The following PPP2R2C variants were observed in gnomAD, a reference collection of about 807,000 sequenced individuals.
The protein encoded by PPP2R2C is protein phosphatase 2, regulatory subunit B, gamma.
A neutral mutation model predicts 45.3 loss-of-function variants in PPP2R2C; 10 were observed. The observed-to-expected ratio is 0.22, with a 90% CI of 0.14 to 0.37. The LOEUF is 0.37. Among genes scored for constraint, PPP2R2C ranks in the 10% least tolerant of loss-of-function variants. PPP2R2C has a pLI of 1.00. For missense variants in PPP2R2C, 308 were observed against 619.7 expected, an observed-to-expected ratio of 0.50 and a Z score of 5.34; for synonymous variants, 257 against 245.4, an observed-to-expected ratio of 1.05 and a Z score of -0.44.
In PPP2R2C at chr4:6,378,263, T is replaced by A. The variant is rs1387418712; in HGVS notation, c.334+144A>T. 6.7e-7 allele frequency: 1 copy of A among 1,495,504 alleles called. No homozygotes were observed. Among genetic ancestry groups the A allele is most frequent in the Non-Finnish European group, 8.9e-7 (1 of 1,119,232 alleles). 92.6% of individuals were successfully genotyped at this position (1,495,504 alleles called of 1,614,324 possible). A position where few individuals can be genotyped will look rare whatever the true frequency, so the allele number is the denominator to read the frequency against. On this transcript the variant is annotated intron_variant, in intron 3 of 8. Coordinates refer to ENST00000382599, the MANE Select transcript of PPP2R2C (RefSeq NM_020416.4). This position sits in a 1 kb window ranked among gnomAD's most constrained non-coding sequence, Gnocchi z 5.2. Reference sequence around the variant, plus strand: ...GTCTGGCATACTCACTCATGGGATTTATATGCTGCTCAAAAAGGATATTAT... The same window carrying A: ...GTCTGGCATACTCACTCATGGGATTAATATGCTGCTCAAAAAGGATATTAT...
chr4:6,447,108 A>T (rs918442978), intron 1 of PPP2R2C, among the ~76,000 whole-genome samples: 1 of 152,016 alleles, frequency 6.6e-6, no homozygotes, highest in African/African-American at 2.4e-5. Context: ...CATGGGAAGG[A>T]CCAGGCCTTG....
chr4:6,370,347 T>C (rs1432638435), intron 5 of PPP2R2C, among the ~76,000 whole-genome samples: 1 of 152,222 alleles, frequency 6.6e-6, no homozygotes, highest in African/African-American at 2.4e-5. Flanking sequence ...GGCTGATTTG[T>C]AAACTGTACG....
intron 1 of PPP2R2C, chr4:6,421,177 A>AGT (rs1681871470): frequency 6.2e-6 from 6 of 968,894 alleles, no homozygotes; most frequent in Middle Eastern, 5.3e-4. Context: ...GCACATGACC[A>AGT]GTGGGGGCCA....
At chr4:6,549,769 C>G (rs1266234205) in intron 1 of PPP2R2C, among the ~76,000 whole-genome samples, 2 of 152,194 alleles carry the variant, frequency 1.3e-5, no homozygotes, top group East Asian at 3.9e-4. Flanking sequence ...AGCTACTTTC[C>G]CACGTAGGGC....
chr4:6,379,992 T>TCCTCC (rs1403169557), intron 2 of PPP2R2C: 1 of 146,302 alleles, frequency 6.8e-6, no homozygotes, highest in East Asian at 2.0e-4. Context: ...TCTCTTCTCC[T>TCCTCC]CCTCCCCTCC....
At chr4:6,477,011 T>A (rs1342012727), upstream of PPP2R2C, among the ~76,000 whole-genome samples, 1 of 152,110 alleles carries the variant, frequency 6.6e-6, no homozygotes, top group Non-Finnish European at 1.5e-5. Context: ...ACCAGCACTC[T>A]GGGAGGCTGA....
chr4:6,411,015 C>T (rs550688598), intron 1 of PPP2R2C, among the ~76,000 whole-genome samples: 3 of 152,084 alleles, frequency 2.0e-5, no homozygotes, highest in African/African-American at 4.8e-5. Context: ...GGACTACAGG[C>T]GCATGCCACC....
At chr4:6,397,148 C>T (rs1371455844) in intron 1 of PPP2R2C, among the ~76,000 whole-genome samples, 1 of 152,234 alleles carries the variant, frequency 6.6e-6, no homozygotes, top group Non-Finnish European at 1.5e-5. Flanking sequence ...CACAAGGGCA[C>T]CCCTGTAAGA....
chr4:6,515,588 C>T (rs540417363), intron 2 of PPP2R2C, among the ~76,000 whole-genome samples: 11 of 152,356 alleles, frequency 7.2e-5, no homozygotes, highest in Middle Eastern at 6.8e-3. Flanking sequence ...GTACTTCTAA[C>T]GTGCTTACAA....
chr4:6,345,593 G>A lies in PPP2R2C; in HGVS notation c.790+2253C>T, dbSNP rs957096369. Among the ~76,000 whole-genome samples, 76 of 152,138 alleles carry A rather than the reference G, an allele frequency of 5.0e-4. No individual in the cohort carries two copies. Among genetic ancestry groups the A allele is most frequent in the Admixed American group, 3.7e-3 (57 of 15,278 alleles). On this transcript the variant is annotated intron_variant, in intron 6 of 8. Coordinates refer to ENST00000382599, the MANE Select transcript of PPP2R2C (RefSeq NM_020416.4). This position sits in a 1 kb window ranked among gnomAD's most constrained non-coding sequence, Gnocchi z 5.3. Reference sequence around the variant, plus strand: ...GCCGCTGTGGGCTGGGAGGATGGGGGAGGGGCCACGTGCCAGGGAACGCAG... The same window carrying A: ...GCCGCTGTGGGCTGGGAGGATGGGGAAGGGGCCACGTGCCAGGGAACGCAG...
At chr4:6,343,574 G>T (rs1444093555) in intron 6 of PPP2R2C, among the ~76,000 whole-genome samples, 1 of 152,024 alleles carries the variant, frequency 6.6e-6, no homozygotes, top group Admixed American at 6.6e-5. Flanking sequence ...AAAAAAATTA[G>T]CCAGGCATGG....
chr4:6,537,531 G>A (rs888486746), intron 1 of PPP2R2C, among the ~76,000 whole-genome samples: 1 of 150,804 alleles, frequency 6.6e-6, no homozygotes. Context: ...CTACAATGTA[G>A]ACGAACTTGA....
chr4:6,487,579 C>A (rs530884012), intron 2 of PPP2R2C, among the ~76,000 whole-genome samples: 1 of 152,008 alleles, frequency 6.6e-6, no homozygotes, highest in Non-Finnish European at 1.5e-5. Flanking sequence ...TAATCCATAT[C>A]TTTGCTGCTT....
At chr4:6,556,698 T>C (rs898656248) in intron 1 of PPP2R2C, among the ~76,000 whole-genome samples, 4 of 152,064 alleles carry the variant, frequency 2.6e-5, no homozygotes, top group African/African-American at 7.3e-5. Flanking sequence ...TGCCAACCCA[T>C]GCATTAGTGT....
chr4:6,551,625 C>T (rs1024662582), intron 1 of PPP2R2C, among the ~76,000 whole-genome samples: 1 of 152,210 alleles, frequency 6.6e-6, no homozygotes, highest in Non-Finnish European at 1.5e-5. Context: ...CTGGACATTG[C>T]ACCAGGAAAC....
intron 1 of PPP2R2C, chr4:6,381,490 T>A: frequency 7.3e-7 from 1 of 1,372,100 alleles, no homozygotes. Flanking sequence ...TCCAGCAACC[T>A]GGGTCAGGGA....
At chr4:6,355,123 G>T (rs11731119) in intron 5 of PPP2R2C, among the ~76,000 whole-genome samples, 1 of 152,070 alleles carries the variant, frequency 6.6e-6, no homozygotes, top group Non-Finnish European at 1.5e-5. Flanking sequence ...TGTCCCCAGC[G>T]AGGGCAGGGA....
rs957376338 is a variant in PPP2R2C, at chr4:6,381,962, C to G, written c.71-868G>C. The G allele has an allele frequency of 4.1e-6, 6 of 1,468,870 alleles. No homozygotes were observed. In the African/African-American group the frequency reaches 4.3e-5, roughly 10 times the overall value. 91.0% of individuals were successfully genotyped at this position (1,468,870 alleles called of 1,614,324 possible). A position where few individuals can be genotyped will look rare whatever the true frequency, so the allele number is the denominator to read the frequency against. ...GCCTGCACATTCTGGGTGGCCAGCCCTGGGAGTGGGGGAGAGCAGGGGAGG... is the reference window on the plus strand; with the variant it reads ...GCCTGCACATTCTGGGTGGCCAGCCGTGGGAGTGGGGGAGAGCAGGGGAGG... On this transcript the variant is annotated intron_variant, in intron 1 of 8. Coordinates refer to ENST00000382599, the MANE Select transcript of PPP2R2C (RefSeq NM_020416.4).
chr4:6,511,723 A>G (rs62644666), intron 2 of PPP2R2C, among the ~76,000 whole-genome samples: 20 of 33,182 alleles, frequency 6.0e-4, no homozygotes, highest in Admixed American at 7.9e-4. Context: ...GATGGTGGTG[A>G]TGGTGGTGGA....
Sources: gnomAD v4.1 joint callset for allele counts (sites outside exome capture counted in the v4.1 genomes callset) on GRCh38, gnomAD v4.1.1 for gene constraint, Gnocchi (gnomAD v3.1) non-coding constraint, MANE v1.5 for transcripts, NCBI Gene and HGNC (gene_info 2026-07-23, HGNC 2026-07-21) for gene names.